Variants in PCDHGA4 observed in about 807,000 individuals in gnomAD.
PCDHGA4 encodes the protein protocadherin gamma subfamily A, 4, also known as protocadherin gamma-A4.
A neutral mutation model predicts 54.6 loss-of-function variants in PCDHGA4; 38 were observed. The observed-to-expected ratio is 0.70, with a 90% CI of 0.54 to 0.91. The LOEUF is 0.91. PCDHGA4 is among the 40% of genes least tolerant of loss of function. The pLI is 0.00. For synonymous variants in PCDHGA4, 511 were observed against 512.9 expected (o/e 1.00, Z 0.05); for missense variants, 1,298 against 1,220.9 (o/e 1.06, Z -0.94).
At position 141,404,352 on chromosome 5, in the gene PCDHGA4, G is replaced by A. The variant is rs1378093484; in HGVS notation, c.2514+46731G>A. 1.7e-5 allele frequency: 27 copies of A among 1,613,812 alleles called. No individual in the cohort carries two copies. The South Asian group carries it at 2.9e-4, about 17-fold the overall frequency. On this transcript the variant is annotated intron_variant, in intron 1 of 3. Coordinates refer to ENST00000571252, the MANE Select transcript of PCDHGA4 (RefSeq NM_018917.4). ...GTCTACCTCCCGGAAAACAACGCCAGAGGTACTTCCATCTTCTCCGTGATT... is the reference window on the plus strand; with the variant it reads ...GTCTACCTCCCGGAAAACAACGCCAAAGGTACTTCCATCTTCTCCGTGATT...
At chr5:141,500,500 C>T (rs6872480) in intron 2 of PCDHGA4, among the ~76,000 whole-genome samples, 1,599 of 152,210 alleles carry the variant, frequency 0.011, 36 homozygotes, top group African/African-American at 0.036. Context: ...TGAGCCACCG[C>T]GCCTGGCCGA....
At chr5:141,412,917 G>C (rs918712966) in intron 1 of PCDHGA4, 2 of 410,214 alleles carry the variant, frequency 4.9e-6, no homozygotes, top group African/African-American at 2.1e-5. Context: ...GTATCACTTG[G>C]GTGCAGTAAC....
chr5:141,479,767 C>G (rs2099505975), intron 1 of PCDHGA4: 1 of 152,174 alleles, frequency 6.6e-6, no homozygotes, highest in African/African-American at 2.4e-5. Flanking sequence ...AAATTCATAT[C>G]CTTAGACAGG....
intron 1 of PCDHGA4, chr5:141,478,777 C>T: frequency 6.7e-7 from 1 of 1,488,806 alleles, no homozygotes. Context: ...CATCTGTGGA[C>T]CTAATTCACA....
intron 1 of PCDHGA4, chr5:141,398,388 C>G: frequency 6.9e-7 from 1 of 1,454,974 alleles, no homozygotes; most frequent in African/African-American, 1.4e-5. Flanking sequence ...TGCTTGTGAG[C>G]AGCAGGCTAG....
At chr5:141,408,313 T>A (rs375849626) in intron 1 of PCDHGA4, 28 of 1,613,640 alleles carry the variant, frequency 1.7e-5, no homozygotes, top group Non-Finnish European at 2.0e-5. Flanking sequence ...GCTACTCGAT[T>A]CCGGAGGAGC....
intron 1 of PCDHGA4, chr5:141,371,721 C>A: frequency 6.2e-7 from 1 of 1,614,084 alleles, no homozygotes; most frequent in Non-Finnish European, 8.5e-7. Flanking sequence ...TCTGCACATC[C>A]TTGATGTCAA....
chr5:141,370,506 C>T (rs1435099354), intron 1 of PCDHGA4: 1 of 1,613,912 alleles, frequency 6.2e-7, no homozygotes, highest in South Asian at 1.1e-5. Context: ...CTACGCTATT[C>T]CCGAGGAGCT....
intron 1 of PCDHGA4, chr5:141,422,736 C>T (rs1408210168): frequency 9.9e-6 from 16 of 1,608,328 alleles, no homozygotes; most frequent in Non-Finnish European, 1.2e-5. Context: ...TGCCTCTGTC[C>T]TCCTATGTCT....
chr5:141,394,537 T>C, intron 1 of PCDHGA4: 1 of 1,614,146 alleles, frequency 6.2e-7, no homozygotes, highest in Non-Finnish European at 8.5e-7. Flanking sequence ...TCCACTGGCG[T>C]GGAGCTGGCG....
At chr5:141,409,745 T>G (rs968473065) in intron 1 of PCDHGA4, 9 of 1,613,074 alleles carry the variant, frequency 5.6e-6, no homozygotes, top group Non-Finnish European at 7.6e-6. Flanking sequence ...CGGGGTGGTG[T>G]TCGCGCAGCG....
chr5:141,361,554 A>C, intron 1 of PCDHGA4: 3 of 1,614,062 alleles, frequency 1.9e-6, no homozygotes, highest in Non-Finnish European at 2.5e-6. Flanking sequence ...CTATCGCTCA[A>C]ATCAGTGCCT....
chr5:141,414,920 C>A (rs1222364302), intron 1 of PCDHGA4: 1 of 1,614,146 alleles, frequency 6.2e-7, no homozygotes, highest in South Asian at 1.1e-5. Flanking sequence ...GTGGAGCTGG[C>A]GCCCCGCTCC....
chr5:141,357,847 AGC>A, intron 1 of PCDHGA4: 1 of 619,362 alleles, frequency 1.6e-6, no homozygotes, highest in Non-Finnish European at 2.7e-6. Flanking sequence ...TTGTAGTTTC[AGC>A]CAGAATTTTC....
chr5:141,472,339 A>T (rs1330302365), intron 1 of PCDHGA4, among the ~76,000 whole-genome samples: 1 of 151,906 alleles, frequency 6.6e-6, no homozygotes, highest in Non-Finnish European at 1.5e-5. Flanking sequence ...TGGGAGATCG[A>T]GACCATCCTG....
intron 1 of PCDHGA4, chr5:141,423,757 G>A: frequency 5.1e-6 from 2 of 395,134 alleles, no homozygotes; most frequent in Non-Finnish European, 7.1e-6. Flanking sequence ...GTTTGGGGGG[G>A]GGGTGGGGCG....
At chr5:141,371,827 A>T in intron 1 of PCDHGA4, 1 of 1,613,784 alleles carries the variant, frequency 6.2e-7, no homozygotes, top group Non-Finnish European at 8.5e-7. Flanking sequence ...AGAGCCTCGG[A>T]TCCCGACTTG....
At chr5:141,509,669 G>GAGAA (rs2099877764) in intron 3 of PCDHGA4, among the ~76,000 whole-genome samples, 1 of 152,180 alleles carries the variant, frequency 6.6e-6, no homozygotes, top group African/African-American at 2.4e-5. Flanking sequence ...CTGGGCCCCA[G>GAGAA]TTTCTTCTTC....
intron 1 of PCDHGA4, chr5:141,398,671 A>G (rs759202675): frequency 1.2e-6 from 2 of 1,614,018 alleles, no homozygotes; most frequent in Non-Finnish European, 1.7e-6. Context: ...CTCATTAATA[A>G]TTAAGGAGAA....
Sources: gnomAD v4.1 joint callset for allele counts (sites outside exome capture counted in the v4.1 genomes callset) on GRCh38, gnomAD v4.1.1 for gene constraint, MANE v1.5 for transcripts, NCBI Gene and HGNC (gene_info 2026-07-23, HGNC 2026-07-21) for gene names.